The following DNMBP variants were observed in gnomAD, a reference collection of about 807,000 sequenced individuals.
DNMBP encodes dynamin binding protein.
In DNMBP, 87 loss-of-function variants were observed where a neutral mutation model predicts 150.0. The ratio of observed to expected loss-of-function variants is 0.58; its 90% CI spans 0.49 to 0.69. The LOEUF is 0.69. DNMBP is among the 30% of genes least tolerant of loss of function. The probability of loss-of-function intolerance (pLI) is 0.00; values close to 1 mark genes in which losing one functional copy is unlikely to be tolerated. For synonymous variants in DNMBP, 711 were observed against 750.4 expected, an observed-to-expected ratio of 0.95 and a Z score of 0.86; for missense variants, 1,774 against 1,949.0, an observed-to-expected ratio of 0.91 and a Z score of 1.69.
rs150033319 is a variant in DNMBP, at chr10:99,998,139, G to T, written c.-11+11699C>A. ...ATTCCCAGCTTCTCGGGAGGCTGAG[G>T]CAGGAGAATCGCTTGAACCCGGGAG... On this transcript the variant is annotated intron_variant, in intron 1 of 16. Transcript: ENST00000324109. 2.6e-5 allele frequency among the ~76,000 whole-genome samples: 4 copies of T among 151,086 alleles called. No individual in the cohort carries two copies. The East Asian group carries it at 7.8e-4, about 29-fold the overall frequency.
chr10:99,985,037 C>G (rs1023035810), intron 1 of DNMBP, among the ~76,000 whole-genome samples: 1 of 152,172 alleles, frequency 6.6e-6, no homozygotes, highest in Non-Finnish European at 1.5e-5. Context: ...GCCACTGTGC[C>G]TGGCCTCAAC....
At chr10:99,980,333 G>T (rs2040769074) in intron 1 of DNMBP, among the ~76,000 whole-genome samples, 1 of 151,768 alleles carries the variant, frequency 6.6e-6, no homozygotes, top group Non-Finnish European at 1.5e-5. Flanking sequence ...TACAATCCCA[G>T]CTACTCAAGA....
rs1241018047 is a variant in DNMBP at position 99,879,444 on chromosome 10, G to T, written c.4548+367C>A. ...TGAGATCATGCATTCCCCATCCTGG[G>T]TGACAAACTCCTCAAAAAAAAAATA... is the stretch of plus-strand genomic sequence containing the variant. On this transcript the variant is annotated intron_variant, in intron 16 of 16. Transcript: ENST00000324109. Among the ~76,000 whole-genome samples the T allele has an allele frequency of 3.3e-5, 5 of 151,976 alleles. No homozygotes were observed. In the East Asian group the frequency reaches 9.6e-4, roughly 29 times the overall value.
At chr10:100,005,785 C>CAAAAAAA (rs532749680) in intron 1 of DNMBP, among the ~76,000 whole-genome samples, 8 of 108,482 alleles carry the variant, frequency 7.4e-5, no homozygotes, top group Non-Finnish European at 9.0e-5. Context: ...AAAAAAAAAA[C>CAAAAAAA]CAAACTACAT....
intron 1 of DNMBP, among the ~76,000 whole-genome samples, chr10:99,992,565 C>T (rs1289791079): frequency 6.5e-5 from 9 of 139,008 alleles, no homozygotes; most frequent in African/African-American, 1.1e-4. Flanking sequence ...CTGGCTCTGT[C>T]ACCCAGGCTG....
At chr10:99,982,450 T>A (rs1254590896) in intron 1 of DNMBP, among the ~76,000 whole-genome samples, 2 of 150,190 alleles carry the variant, frequency 1.3e-5, no homozygotes, top group Non-Finnish European at 3.0e-5. Context: ...TCTCAAAAAA[T>A]AAATAAATAA....
At chr10:99,942,593 A>G (rs970546718) in intron 4 of DNMBP, among the ~76,000 whole-genome samples, 1 of 152,218 alleles carries the variant, frequency 6.6e-6, no homozygotes, top group Non-Finnish European at 1.5e-5. Context: ...AAGTACCTCA[A>G]TGCATTCCAG....
intron 4 of DNMBP, among the ~76,000 whole-genome samples, chr10:99,926,738 A>G (rs544561599): frequency 6.6e-6 from 1 of 152,244 alleles, no homozygotes; most frequent in Admixed American, 6.5e-5. Context: ...ATGCCTCTCA[A>G]TCCTTCAACT....
chr10:99,996,884 A>G (rs1046731189), intron 1 of DNMBP, among the ~76,000 whole-genome samples: 6 of 152,222 alleles, frequency 3.9e-5, no homozygotes, highest in Non-Finnish European at 8.8e-5. Context: ...CAGCAAAACT[A>G]AAAGAAAAAT....
At chr10:99,928,881 C>T (rs1233450464) in intron 4 of DNMBP, among the ~76,000 whole-genome samples, 2 of 151,956 alleles carry the variant, frequency 1.3e-5, no homozygotes, top group East Asian at 1.9e-4. Context: ...TGGTGGCTTA[C>T]ACTTGTAATC....
At chr10:99,957,527 A>T in intron 3 of DNMBP, 1 of 299,386 alleles carries the variant, frequency 3.3e-6, no homozygotes, top group Non-Finnish European at 6.2e-6. Context: ...CTCTGTGAAA[A>T]AGCAATGGTG....
intron 4 of DNMBP, among the ~76,000 whole-genome samples, chr10:99,942,563 G>A (rs2040312008): frequency 6.6e-6 from 1 of 152,210 alleles, no homozygotes; most frequent in Non-Finnish European, 1.5e-5. Flanking sequence ...AAGCCTCAGT[G>A]AAATCTGAAA....
At chr10:99,881,799 G>GA (rs994446620) in intron 15 of DNMBP, among the ~76,000 whole-genome samples, 4 of 151,604 alleles carry the variant, frequency 2.6e-5, no homozygotes, top group African/African-American at 4.8e-5. Flanking sequence ...GAAGTGGGGA[G>GA]AAAAAAAATC....
intron 11 of DNMBP, among the ~76,000 whole-genome samples, chr10:99,892,301 T>G (rs866880106): frequency 6.8e-6 from 1 of 147,502 alleles, no homozygotes; most frequent in Non-Finnish European, 1.5e-5. Flanking sequence ...CAATGGCGGC[T>G]TTGTGGAATA....
At chr10:99,987,202 T>G (rs913740182) in intron 1 of DNMBP, among the ~76,000 whole-genome samples, 1 of 146,144 alleles carries the variant, frequency 6.8e-6, no homozygotes, top group Admixed American at 6.8e-5. Context: ...GGCACTAACA[T>G]GACATGTAAA....
At chr10:99,885,930 AAAG>A (rs1268350917) in intron 13 of DNMBP, 64 bp from the exon 14 acceptor site, 22 of 1,426,724 alleles carry the variant, frequency 1.5e-5, no homozygotes, top group East Asian at 1.2e-4. Flanking sequence ...ATCCCAGAGA[AAAG>A]AAGAAAACAT....
intron 4 of DNMBP, chr10:99,930,880 C>G (rs7085955): frequency 0.38 from 216,366 of 573,018 alleles, 42,520 homozygotes; most frequent in African/African-American, 0.55. Context: ...TGTCTCCCAA[C>G]CATTCCAGAC....
chr10:99,883,638 CAAA>C (rs71009782), intron 15 of DNMBP, among the ~76,000 whole-genome samples: 1,771 of 65,360 alleles, frequency 0.027, 5 homozygotes, highest in Non-Finnish European at 0.041. Flanking sequence ...AAGACTGCCA[CAAA>C]AAAAAAAAAA....
In DNMBP at chr10:99,876,442, ATCTT is replaced by A. The variant is rs996497411; in HGVS notation, c.*705_*708del. On this transcript the variant is annotated 3_prime_UTR_variant, in exon 17 of 17. Transcript: ENST00000324109. The stretch of plus-strand genomic sequence containing the variant: ...TGATTGTACCTAACAAGGGAAGAGA[ATCTT>A]TCAGATGAAGGGTCAACAGAAAATA... 2 of 152,152 alleles carry A rather than the reference ATCTT, an allele frequency of 1.3e-5. No individual in the cohort carries two copies. Among genetic ancestry groups the A allele is most frequent in the African/African-American group, 4.8e-5 (2 of 41,448 alleles). 9.4% of individuals were successfully genotyped at this position (152,152 alleles called of 1,614,324 possible). A position where few individuals can be genotyped will look rare whatever the true frequency, so the allele number is the denominator to read the frequency against.
Sources: gnomAD v4.1 joint callset for allele counts (sites outside exome capture counted in the v4.1 genomes callset) on GRCh38, gnomAD v4.1.1 for gene constraint, MANE v1.5 for transcripts, NCBI Gene and HGNC (gene_info 2026-07-23, HGNC 2026-07-21) for gene names.